The following NOX5 variants were observed in gnomAD, a reference collection of about 807,000 sequenced individuals.
The protein encoded by NOX5 is NADPH oxidase, EF-hand calcium binding domain 5.
Under a neutral mutation model 85.7 loss-of-function variants are expected in NOX5, and 76 were observed. That is an observed-to-expected ratio of 0.89 (90% CI 0.74 to 1.07). The LOEUF (loss-of-function observed/expected upper bound fraction) is 1.07. Ranked by LOEUF, NOX5 falls within the 50% of genes least tolerant of loss-of-function variation. The probability of loss-of-function intolerance (pLI) is 0.00; values close to 1 mark genes in which losing one functional copy is unlikely to be tolerated. For missense variants in NOX5, 973 were observed against 999.5 expected (o/e 0.97, Z 0.36); for synonymous variants, 405 against 401.4 (o/e 1.01, Z -0.11).
Position 69,031,824 on chromosome 15 carries a change from T to G in NOX5, c.620+12T>G, listed in dbSNP as rs1595775720. 6.3e-7 allele frequency: 1 copy of G among 1,588,514 alleles called. No individual in the cohort carries two copies. Among genetic ancestry groups the G allele is most frequent in the Non-Finnish European group, 8.6e-7 (1 of 1,162,666 alleles). Reference sequence around the variant, plus strand: ...AACCTGACCATCAGGTACGGCCGGGTCTCGGGCATTGGCACTGTCCACGGC... The same window carrying G: ...AACCTGACCATCAGGTACGGCCGGGGCTCGGGCATTGGCACTGTCCACGGC... On this transcript the variant is annotated intron_variant, in intron 4 of 15. Coordinates refer to ENST00000388866, the MANE Select transcript of NOX5 (RefSeq NM_024505.4).
intron 11 of NOX5, 98 bp from the exon 12 acceptor site, chr15:69,047,315 A>G (rs1595787549): frequency 2.1e-6 from 3 of 1,434,742 alleles, no homozygotes; most frequent in African/African-American, 1.4e-5. Context: ...GTCTTTCTAT[A>G]TATAAAGGGG....
rs112389647 is a variant in NOX5, at chr15:69,056,598, A to G, written c.2200A>G (p.Lys734Glu). The G allele has an allele frequency of 5.0e-6, 8 of 1,613,644 alleles. No homozygotes were observed. In the African/African-American group the frequency reaches 5.3e-5, roughly 11 times the overall value. Residue 734 changes from lysine to glutamate, a missense_variant, in exon 16 of 16, where the codon AAG becomes GAG. Transcript: ENST00000388866. ...FQKVAAEKKG[K>E]VQVFFCGSPA... is the part of the protein sequence containing the mutation. ...GAAAGTGGCTGCTGAGAAGAAGGGCAAGGTGCAGGTCTTCTTCTGTGGCTC... is the reference window on the plus strand; with the variant it reads ...GAAAGTGGCTGCTGAGAAGAAGGGCGAGGTGCAGGTCTTCTTCTGTGGCTC...
At chr15:69,046,954 G>T in intron 11 of NOX5, 88 bp downstream of exon 11, 1 of 1,424,218 alleles carries the variant, frequency 7.0e-7, no homozygotes, top group South Asian at 1.2e-5. Flanking sequence ...GGGCTGTTGT[G>T]GTTGTGGGTA....
At chr15:69,038,823 C>G (rs762527332) in intron 8 of NOX5, 34 bp from the exon 9 acceptor site, 1 of 1,614,084 alleles carries the variant, frequency 6.2e-7, no homozygotes, top group South Asian at 1.1e-5. Flanking sequence ...TTTGGGCCTG[C>G]AGGAATGATG....
intron 13 of NOX5, 111 bp from the exon 14 acceptor site, chr15:69,048,848 A>T: frequency 1.5e-6 from 1 of 678,502 alleles, no homozygotes; most frequent in Non-Finnish European, 2.5e-6. Flanking sequence ...TGGGTATCTG[A>T]ATGTTCCCTG....
chr15:69,031,732 C>G lies in NOX5; in HGVS notation c.540C>G (p.Asp180Glu). Residue 180 changes from aspartate (D) to glutamate (E), a missense_variant, in exon 4 of 16, where the codon GAC (aspartate) becomes GAG (glutamate). By Grantham distance (45) the Asp-to-Glu change is conservative. Transcript: ENST00000388866. ...TLALFESADA[D>E]GNGAITFEEL... ...CGCTCTTCGAATCGGCCGACGCGGA[C>G]GGCAACGGGGCCATCACCTTCGAGG... 1 of 1,612,834 alleles carries G rather than the reference C, an allele frequency of 6.2e-7. No individual in the cohort carries two copies. The highest frequency in any genetic ancestry group is 8.5e-7 in the Non-Finnish European group (1 of 1,179,648).
Position 69,055,502 on chromosome 15 carries a change from T to TA in NOX5, c.2166+4dup. 2 of 1,613,132 alleles carry TA rather than the reference T, an allele frequency of 1.2e-6. No individual in the cohort carries two copies. Among genetic ancestry groups the TA allele is most frequent in the Non-Finnish European group, 1.7e-6 (2 of 1,179,568 alleles). On this transcript the variant is annotated splice_region_variant and intron_variant, in intron 15 of 15. Transcript: ENST00000388866. The stretch of plus-strand genomic sequence containing the variant: ...CCTGGGCGGCCTGACTGGAGCAAGG[T>TA]AATGCCAACTGGAGCCCTGCAGCTT...
intron 8 of NOX5, chr15:69,038,509 C>G (rs1000626477): frequency 2.8e-6 from 1 of 352,664 alleles, no homozygotes; most frequent in Admixed American, 4.5e-5. Flanking sequence ...GCTAGCCACA[C>G]TCTGGCTGAA....
intron 2 of NOX5, among the ~76,000 whole-genome samples, chr15:69,027,460 C>T (rs547084806): frequency 5.9e-5 from 9 of 152,108 alleles, no homozygotes; most frequent in Non-Finnish European, 7.4e-5. Flanking sequence ...CAGTCCACAG[C>T]GGACTTCGGC....
At chr15:69,028,475 C>A in intron 3 of NOX5, 110 bp downstream of exon 3, 1 of 1,107,148 alleles carries the variant, frequency 9.0e-7, no homozygotes, top group Non-Finnish European at 1.3e-6. Context: ...CCTCCTGAGC[C>A]CAGCCTGGGA....
intron 3 of NOX5, chr15:69,029,770 C>CCCAGGTTCAAGTGATTCT (rs1422695871): frequency 6.6e-6 from 1 of 151,994 alleles, no homozygotes; most frequent in Non-Finnish European, 1.5e-5. Flanking sequence ...GCCTCCACCT[C>CCCAGGTTCAAGTGATTCT]CCAGGTTCAA....
chr15:69,057,045 T>C lies in NOX5; in HGVS notation c.*349T>C, dbSNP rs1027928765. On this transcript the variant is annotated 3_prime_UTR_variant, in exon 16 of 16. Transcript: ENST00000388866. ...CCGACGGAGCCTTCCCCCACATCCA[T>C]GGTCCCAAACCTGCCCAATCATCAC... 8 of 202,752 alleles carry C rather than the reference T, an allele frequency of 3.9e-5. No homozygotes were observed. The highest frequency in any genetic ancestry group is 1.4e-4 in the African/African-American group (6 of 43,400). 12.6% of individuals were successfully genotyped at this position (202,752 alleles called of 1,614,324 possible).
intron 14 of NOX5, among the ~76,000 whole-genome samples, chr15:69,050,493 C>G (rs1039290069): frequency 6.6e-6 from 1 of 152,146 alleles, no homozygotes; most frequent in Non-Finnish European, 1.5e-5. Context: ...CAGGTTCAAG[C>G]AATTCTTCTG....
intron 1 of NOX5, among the ~76,000 whole-genome samples, chr15:69,018,170 A>T (rs1474827546): frequency 6.6e-6 from 1 of 151,884 alleles, no homozygotes; most frequent in Non-Finnish European, 1.5e-5. Flanking sequence ...TCCAACTCCC[A>T]TTTGGGTTTC....
At chr15:69,018,076 A>G (rs573143868) in intron 1 of NOX5, among the ~76,000 whole-genome samples, 1 of 152,186 alleles carries the variant, frequency 6.6e-6, no homozygotes, top group South Asian at 2.1e-4. Flanking sequence ...AACTCTTGAG[A>G]TGATGCAATT....
rs561329130 is a variant in NOX5, at chr15:69,050,359, C to T, written c.1999+1301C>T. On this transcript the variant is annotated intron_variant, in intron 14 of 15. Transcript: ENST00000388866. Reference sequence around the variant, plus strand: ...TCCATCTGGGAAAGTTTTCCTTCTGCTTGAAGAACTGATGGTTCTTTGTAA... The same window carrying T: ...TCCATCTGGGAAAGTTTTCCTTCTGTTTGAAGAACTGATGGTTCTTTGTAA... 2.0e-5 allele frequency among the ~76,000 whole-genome samples: 3 copies of T among 152,220 alleles called. No homozygotes were observed. In the East Asian group the frequency reaches 5.8e-4, roughly 29 times the overall value.
chr15:69,028,463 G>A (rs748138097), intron 3 of NOX5, 98 bp downstream of exon 3: 230 of 1,249,780 alleles, frequency 1.8e-4, no homozygotes, highest in Non-Finnish European at 2.2e-4. Flanking sequence ...GTGCCATCCC[G>A]GCCTCCTGAG....
At chr15:69,048,794 A>C (rs1051723809) in intron 13 of NOX5, among the ~76,000 whole-genome samples, 165 bp from the exon 14 acceptor site, 1 of 152,176 alleles carries the variant, frequency 6.6e-6, no homozygotes, top group African/African-American at 2.4e-5. Context: ...TGATCTGGGC[A>C]TGGCTGCTCA....
chr15:69,060,054 G>A lies in NOX5; in HGVS notation c.*3358G>A, dbSNP rs895399067. 3 of 152,260 alleles carry A rather than the reference G, an allele frequency of 2.0e-5. No individual in the cohort carries two copies. The highest frequency in any genetic ancestry group is 7.2e-5 in the African/African-American group (3 of 41,456). The allele number at this position is 152,260 out of a possible 1,614,324, so 9.4% of individuals were successfully genotyped here. ...CACCTAATTGTCACTTGTAATTTGG[G>A]GAACAAAAGCACAAACACAAGCCCA... On this transcript the variant is annotated 3_prime_UTR_variant, in exon 16 of 16. Transcript: ENST00000388866.
Sources: gnomAD v4.1 joint callset for allele counts (sites outside exome capture counted in the v4.1 genomes callset) on GRCh38, gnomAD v4.1.1 for gene constraint, MANE v1.5 for transcripts, NCBI Gene and HGNC (gene_info 2026-07-23, HGNC 2026-07-21) for gene names.